The following ZNG1B variants were observed in gnomAD, a reference collection of about 807,000 sequenced individuals.
ZNG1B encodes zinc-regulated GTPase metalloprotein activator 1B.
the ZNG1B span, among the ~76,000 whole-genome samples, chr2:113,454,366 T>C: frequency 1.3e-5 from 2 of 152,042 alleles, no homozygotes; most frequent in Non-Finnish European, 2.9e-5. Flanking sequence ...TATGTGAAAA[T>C]AAACTAGAAA....
chr2:113,439,953 C>T, the ZNG1B span, among the ~76,000 whole-genome samples: 3,603 of 128,738 alleles, frequency 0.028, 160 homozygotes, highest in African/African-American at 0.098. Flanking sequence ...GGCGGGATCT[C>T]GGCTCACTGC....
chr2:113,483,924 C>A, the ZNG1B span, among the ~76,000 whole-genome samples: 1 of 152,142 alleles, frequency 6.6e-6, no homozygotes. Flanking sequence ...GATGCACTGT[C>A]CTGCTTTAGA....
chr2:113,476,891 G>A, the ZNG1B span, among the ~76,000 whole-genome samples: 132 of 152,354 alleles, frequency 8.7e-4, no homozygotes, highest in African/African-American at 3.1e-3. Context: ...ATCTCCAGCT[G>A]CGTGCTGGGG....
chr2:113,448,242 C>T, the ZNG1B span, among the ~76,000 whole-genome samples: 1 of 151,978 alleles, frequency 6.6e-6, no homozygotes, highest in South Asian at 2.1e-4. Context: ...ACATCTCCAT[C>T]ACAGCTCTTG....
chr2:113,472,642 C>T, the ZNG1B span, among the ~76,000 whole-genome samples: 1 of 152,028 alleles, frequency 6.6e-6, no homozygotes, highest in Non-Finnish European at 1.5e-5. Context: ...GTCTTTAATC[C>T]ATGTTGAATT....
At chr2:113,470,545 A>T in the ZNG1B span, 2 of 173,140 alleles carry the variant, frequency 1.2e-5, no homozygotes, top group African/African-American at 4.8e-5. Flanking sequence ...ATGAAATCAA[A>T]TCACGTGAAG....
the ZNG1B span, among the ~76,000 whole-genome samples, chr2:113,448,031 C>T: frequency 6.6e-6 from 1 of 152,214 alleles, no homozygotes; most frequent in African/African-American, 2.4e-5. Flanking sequence ...TTCTTAATGG[C>T]ATCTAGAATG....
At chr2:113,454,741 G>A in the ZNG1B span, 2 of 1,577,146 alleles carry the variant, frequency 1.3e-6, no homozygotes, top group Non-Finnish European at 8.7e-7. Flanking sequence ...TCCTTTGTAG[G>A]TATCATAACT....
chr2:113,445,718 T>G, the ZNG1B span, among the ~76,000 whole-genome samples: 1 of 148,892 alleles, frequency 6.7e-6, no homozygotes, highest in African/African-American at 2.5e-5. Context: ...CAAATAACTT[T>G]TAGATAAAAT....
the ZNG1B span, among the ~76,000 whole-genome samples, chr2:113,461,205 C>A: frequency 6.6e-6 from 1 of 150,812 alleles, no homozygotes; most frequent in South Asian, 2.1e-4. Flanking sequence ...CGCCACCATG[C>A]CCAGCTAATT....
the ZNG1B span, among the ~76,000 whole-genome samples, chr2:113,440,129 C>T: frequency 6.6e-6 from 1 of 151,808 alleles, no homozygotes; most frequent in East Asian, 1.9e-4. Context: ...CGTGATCCGC[C>T]CGCCTCGGCC....
At chr2:113,465,903 G>A in the ZNG1B span, 4 of 985,122 alleles carry the variant, frequency 4.1e-6, no homozygotes, top group Non-Finnish European at 4.8e-6. Context: ...AGAGGCCTTA[G>A]GTGAATGGCT....
the ZNG1B span, chr2:113,439,237 T>C: frequency 6.7e-7 from 1 of 1,486,308 alleles, no homozygotes. Context: ...TTTCCCTTTC[T>C]GAAACACTGT....
At chr2:113,459,907 A>T in the ZNG1B span, among the ~76,000 whole-genome samples, 11 of 148,912 alleles carry the variant, frequency 7.4e-5, no homozygotes, top group Non-Finnish European at 1.3e-4. Context: ...GAGGGGGAAA[A>T]AAAAAACAGA....
the ZNG1B span, among the ~76,000 whole-genome samples, chr2:113,459,405 T>A: frequency 5.3e-5 from 8 of 151,820 alleles, no homozygotes; most frequent in Non-Finnish European, 1.0e-4. Flanking sequence ...TCCCCATGTA[T>A]TATGAAACTG....
chr2:113,474,288 G>A, the ZNG1B span, among the ~76,000 whole-genome samples: 2 of 150,658 alleles, frequency 1.3e-5, no homozygotes, highest in Admixed American at 6.6e-5. Flanking sequence ...GGTGTTTGTA[G>A]TATTCTCTGA....
chr2:113,475,378 T>G, the ZNG1B span, among the ~76,000 whole-genome samples: 2 of 152,058 alleles, frequency 1.3e-5, no homozygotes, highest in Admixed American at 1.3e-4. Context: ...TGAGCCTATG[T>G]GTGTCTCTGC....
chr2:113,486,357 GTTATC>G, the ZNG1B span, among the ~76,000 whole-genome samples: 1 of 139,184 alleles, frequency 7.2e-6, no homozygotes, highest in Non-Finnish European at 1.5e-5. Flanking sequence ...CCCATGATGC[GTTATC>G]TTAATTTTTA....
the ZNG1B span, among the ~76,000 whole-genome samples, chr2:113,457,992 G>A: frequency 1.4e-5 from 2 of 146,206 alleles, no homozygotes; most frequent in Non-Finnish European, 3.0e-5. Context: ...GGATTAATTA[G>A]TATCAAAATT....
Sources: allele counts gnomAD v4.1 joint callset (sites outside exome capture counted in the v4.1 genomes callset), GRCh38; gene constraint gnomAD v4.1.1; transcripts MANE v1.5; gene names NCBI Gene and HGNC (gene_info 2026-07-23, HGNC 2026-07-21).